VIT: variants seen among roughly 807,000 people sequenced by gnomAD.
The protein encoded by VIT is vitrin.
A neutral mutation model predicts 78.0 loss-of-function variants in VIT; 99 were observed. That is an observed-to-expected ratio of 1.27 (90% CI 1.08 to 1.50). The LOEUF (loss-of-function observed/expected upper bound fraction) is 1.50. Ranked by LOEUF, VIT falls within the 40% of genes most tolerant of loss-of-function variation. The pLI is 0.00. For missense variants in VIT, 1,126 were observed against 875.3 expected, an observed-to-expected ratio of 1.29 and a Z score of -3.61; for synonymous variants, 374 against 334.3, an observed-to-expected ratio of 1.12 and a Z score of -1.29.
chr2:36,726,000 C>T (rs562436926), intron 2 of VIT, among the ~76,000 whole-genome samples: 2 of 150,158 alleles, frequency 1.3e-5, no homozygotes, highest in South Asian at 2.1e-4. Flanking sequence ...GAACAGGAGG[C>T]GGAGGTTGCA....
chr2:36,778,388 T>G (rs1402518930), intron 9 of VIT, among the ~76,000 whole-genome samples: 1 of 152,132 alleles, frequency 6.6e-6, no homozygotes, highest in Non-Finnish European at 1.5e-5. Flanking sequence ...GGTGGTGGGC[T>G]CCTGATAATT....
chr2:36,770,996 G>A (rs759367971), intron 7 of VIT, among the ~76,000 whole-genome samples: 3 of 152,216 alleles, frequency 2.0e-5, no homozygotes, highest in Non-Finnish European at 4.4e-5. Context: ...TTTGAGGCAG[G>A]AAGAGAGGCC....
intron 12 of VIT, among the ~76,000 whole-genome samples, chr2:36,795,219 C>A (rs888238221): frequency 6.6e-6 from 1 of 151,996 alleles, no homozygotes; most frequent in Non-Finnish European, 1.5e-5. Context: ...TATTTGTAAT[C>A]TCAAACTTGT....
chr2:36,715,639 T>G (rs1666082085), intron 1 of VIT, among the ~76,000 whole-genome samples: 1 of 152,204 alleles, frequency 6.6e-6, no homozygotes, highest in Non-Finnish European at 1.5e-5. Context: ...GTTAAAAACT[T>G]AATTAACTAG....
intron 9 of VIT, among the ~76,000 whole-genome samples, chr2:36,779,224 G>A (rs544863082): frequency 6.6e-6 from 1 of 152,220 alleles, no homozygotes; most frequent in Non-Finnish European, 1.5e-5. Context: ...GTGGTTAGGG[G>A]TAGGCTTTGG....
At chr2:36,772,589 C>G (rs1669828739) in intron 7 of VIT, among the ~76,000 whole-genome samples, 2 of 151,898 alleles carry the variant, frequency 1.3e-5, no homozygotes, top group Non-Finnish European at 2.9e-5. Flanking sequence ...CACTTGTAGT[C>G]TCAGCTACTC....
chr2:36,776,136 C>T (rs1223242513), intron 9 of VIT, among the ~76,000 whole-genome samples: 1 of 152,210 alleles, frequency 6.6e-6, no homozygotes, highest in African/African-American at 2.4e-5. Flanking sequence ...GAATTCCCAG[C>T]CCCTTCATTT....
chr2:36,740,259 C>T (rs13411045), intron 3 of VIT, among the ~76,000 whole-genome samples: 23,348 of 152,218 alleles, frequency 0.15, 1,864 homozygotes, highest in South Asian at 0.27. Context: ...AGGCCAACAT[C>T]CGTTTCATCT....
chr2:36,810,632 A>G (rs1001935005), intron 15 of VIT, among the ~76,000 whole-genome samples: 4 of 141,902 alleles, frequency 2.8e-5, no homozygotes, highest in South Asian at 2.2e-4. Flanking sequence ...CTGTGCCTAA[A>G]TTTTTTTTTT....
intron 2 of VIT, among the ~76,000 whole-genome samples, chr2:36,725,821 C>T (rs1666807653): frequency 6.6e-6 from 1 of 152,142 alleles, no homozygotes; most frequent in Non-Finnish European, 1.5e-5. Context: ...CCTGTAATCC[C>T]AGCACTTTGA....
chr2:36,779,066 G>A (rs769724609), intron 9 of VIT, among the ~76,000 whole-genome samples: 2 of 152,230 alleles, frequency 1.3e-5, no homozygotes, highest in East Asian at 3.8e-4. Context: ...ACAGTCTTAG[G>A]AGCAGGCATG....
chr2:36,759,397 T>A, intron 6 of VIT: 2 of 1,364,366 alleles, frequency 1.5e-6, no homozygotes, highest in Non-Finnish European at 1.9e-6. Context: ...AAAAGCTGTA[T>A]CTACTTAGAT....
At chr2:36,702,481 T>C (rs1665125764) in intron 1 of VIT, among the ~76,000 whole-genome samples, 1 of 152,182 alleles carries the variant, frequency 6.6e-6, no homozygotes, top group South Asian at 2.1e-4. Context: ...ATGTATGTAA[T>C]ACTACGTGAT....
intron 6 of VIT, among the ~76,000 whole-genome samples, chr2:36,763,008 G>GT (rs5830439): frequency 0.14 from 21,673 of 152,110 alleles, 1,819 homozygotes; most frequent in South Asian, 0.19. Context: ...CTTTGTAGAA[G>GT]TTTTTTTAAA....
intron 2 of VIT, among the ~76,000 whole-genome samples, chr2:36,717,353 T>C (rs1158120308): frequency 3.0e-4 from 39 of 130,674 alleles, no homozygotes; most frequent in African/African-American, 1.2e-3. Context: ...TGTGTGTGTG[T>C]GTGTGTGTGT....
chr2:36,734,814 GTTAC>G (rs1367225018), intron 3 of VIT, among the ~76,000 whole-genome samples: 1 of 152,084 alleles, frequency 6.6e-6, no homozygotes, highest in African/African-American at 2.4e-5. Context: ...CCCCATGGAT[GTTAC>G]TTAGCACCAC....
At chr2:36,799,283 C>G (rs915774776) in intron 12 of VIT, among the ~76,000 whole-genome samples, 1 of 152,224 alleles carries the variant, frequency 6.6e-6, no homozygotes, top group East Asian at 1.9e-4. Context: ...TTCCTCGTGA[C>G]TGCACCACTT....
At chr2:36,756,147 G>A (rs990215565) in intron 5 of VIT, among the ~76,000 whole-genome samples, 2 of 151,792 alleles carry the variant, frequency 1.3e-5, no homozygotes, top group Non-Finnish European at 2.9e-5. Flanking sequence ...TAGTGCAGAC[G>A]GGGTTTCTCC....
At chr2:36,704,178 G>C (rs35430590) in intron 1 of VIT, among the ~76,000 whole-genome samples, 1 of 151,842 alleles carries the variant, frequency 6.6e-6, no homozygotes, top group South Asian at 2.1e-4. Flanking sequence ...CACCCACCTC[G>C]GCCTCCCAAA....
Sources: allele counts gnomAD v4.1 joint callset (sites outside exome capture counted in the v4.1 genomes callset), GRCh38; gene constraint gnomAD v4.1.1; transcripts MANE v1.5; gene names NCBI Gene and HGNC (gene_info 2026-07-23, HGNC 2026-07-21).